The following KCNAB1 variants were observed in gnomAD, a reference collection of about 807,000 sequenced individuals.
KCNAB1 encodes the protein potassium voltage-gated channel subfamily A regulatory beta subunit 1, also known as voltage-gated potassium channel subunit beta-1.
KCNAB1 carries 35 observed loss-of-function variants against 64.6 expected under a neutral mutation model. The observed-to-expected ratio is 0.54, with a 90% CI of 0.41 to 0.72. The LOEUF (loss-of-function observed/expected upper bound fraction) is 0.72, where lower values mean the gene tolerates loss of function less well. Among genes scored for constraint, KCNAB1 ranks in the 30% least tolerant of loss-of-function variants. KCNAB1 has a pLI of 0.00. For synonymous variants in KCNAB1, 177 were observed against 183.8 expected, an observed-to-expected ratio of 0.96 and a Z score of 0.30; for missense variants, 401 against 512.9, an observed-to-expected ratio of 0.78 and a Z score of 2.11.
intron 1 of KCNAB1, among the ~76,000 whole-genome samples, chr3:156,152,667 C>T (rs904697218): frequency 1.3e-5 from 2 of 152,170 alleles, no homozygotes; most frequent in Non-Finnish European, 2.9e-5. Context: ...ATGTGCAGCT[C>T]ATTAAGTATC....
chr3:156,321,939 A>C (rs1722685804), intron 1 of KCNAB1, among the ~76,000 whole-genome samples: 1 of 152,234 alleles, frequency 6.6e-6, no homozygotes, highest in Non-Finnish European at 1.5e-5. Context: ...ATGTGTCAAA[A>C]CTACCCTTGA....
chr3:156,531,092 A>T (rs1718671091), intron 12 of KCNAB1, among the ~76,000 whole-genome samples: 1 of 152,220 alleles, frequency 6.6e-6, no homozygotes, highest in African/African-American at 2.4e-5. Context: ...CGGAGAAGCA[A>T]GAAAGACAGC....
At chr3:156,535,858 A>T (rs1383011939) in intron 13 of KCNAB1, among the ~76,000 whole-genome samples, 1 of 152,122 alleles carries the variant, frequency 6.6e-6, no homozygotes, top group Non-Finnish European at 1.5e-5. Flanking sequence ...CAGGTGTCTG[A>T]TAGGGTTACT....
chr3:156,260,889 A>G (rs1718389515), intron 1 of KCNAB1, among the ~76,000 whole-genome samples: 1 of 152,130 alleles, frequency 6.6e-6, no homozygotes, highest in African/African-American at 2.4e-5. Context: ...CAGTTTCTCC[A>G]CATTTTCACT....
At chr3:156,501,290 T>A (rs2108367208) in intron 8 of KCNAB1, among the ~76,000 whole-genome samples, 1 of 152,166 alleles carries the variant, frequency 6.6e-6, no homozygotes, top group Admixed American at 6.5e-5. Context: ...TAAGTAGGAA[T>A]AAAAAGATTT....
intron 2 of KCNAB1, among the ~76,000 whole-genome samples, chr3:156,428,533 A>ACACACACACACC (rs59772816): frequency 1.1e-3 from 155 of 143,116 alleles, no homozygotes; most frequent in African/African-American, 2.8e-3. Flanking sequence ...ACACACACAC[A>ACACACACACACC]CCCTATTGGT....
At chr3:156,316,458 A>G (rs1263264292) in intron 1 of KCNAB1, among the ~76,000 whole-genome samples, 2 of 152,244 alleles carry the variant, frequency 1.3e-5, no homozygotes, top group African/African-American at 4.8e-5. Context: ...GTGTCCCATA[A>G]CAGGTCAGTC....
intron 1 of KCNAB1, among the ~76,000 whole-genome samples, chr3:156,245,292 AT>A (rs1042191110): frequency 2.6e-5 from 4 of 152,088 alleles, no homozygotes; most frequent in Non-Finnish European, 5.9e-5. Flanking sequence ...ACAGGTTTCT[AT>A]TTTTAAATTA....
At chr3:156,292,045 C>A in intron 1 of KCNAB1, 2 of 1,614,186 alleles carry the variant, frequency 1.2e-6, no homozygotes, top group Non-Finnish European at 1.7e-6. Context: ...TCGCTATCAT[C>A]GCGCGCAGCC....
intron 1 of KCNAB1, among the ~76,000 whole-genome samples, chr3:156,359,752 G>T (rs1475440121): frequency 6.6e-6 from 1 of 152,222 alleles, no homozygotes; most frequent in Non-Finnish European, 1.5e-5. Flanking sequence ...TGCCATTATA[G>T]ATTATACTTT....
intron 3 of KCNAB1, among the ~76,000 whole-genome samples, chr3:156,455,018 G>A (rs2108282664): frequency 6.6e-6 from 1 of 152,266 alleles, no homozygotes; most frequent in Admixed American, 6.5e-5. Context: ...ATGCAGACCA[G>A]GAAAATAGCT....
At chr3:156,500,547 A>C (rs534252038) in intron 8 of KCNAB1, among the ~76,000 whole-genome samples, 1 of 152,338 alleles carries the variant, frequency 6.6e-6, no homozygotes, top group East Asian at 1.9e-4. Context: ...CAATTCTTAA[A>C]GATATTATCT....
At chr3:156,294,709 A>G (rs1008102252) in intron 1 of KCNAB1, among the ~76,000 whole-genome samples, 10 of 152,164 alleles carry the variant, frequency 6.6e-5, no homozygotes, top group African/African-American at 2.4e-4. Context: ...ACTAAAATCG[A>G]AAGTTAGTAG....
At chr3:156,245,636 T>G (rs1249973794) in intron 1 of KCNAB1, among the ~76,000 whole-genome samples, 1 of 152,248 alleles carries the variant, frequency 6.6e-6, no homozygotes, top group Non-Finnish European at 1.5e-5. Context: ...TTAGATGCTA[T>G]ATCCCATGTG....
At chr3:156,478,537 A>G (rs1204380230) in intron 8 of KCNAB1, among the ~76,000 whole-genome samples, 1 of 152,176 alleles carries the variant, frequency 6.6e-6, no homozygotes, top group East Asian at 1.9e-4. Flanking sequence ...GCGGAGTACA[A>G]GAACTTGGGG....
At chr3:156,252,401 T>C (rs535428971) in intron 1 of KCNAB1, among the ~76,000 whole-genome samples, 77 of 152,224 alleles carry the variant, frequency 5.1e-4, no homozygotes, top group Non-Finnish European at 5.3e-4. Context: ...ACTTTTATTC[T>C]TTTATTGTTT....
Position 156,143,378 on chromosome 3 carries a change from C to T in KCNAB1, c.275+22492C>T, listed in dbSNP as rs747629958. ...AAGTTTCTACGTGTTCATGGAATTT[C>T]GTTGCAGGAAACCACCAGAGCAGAG... On this transcript the variant is annotated intron_variant, in intron 1 of 13. Coordinates refer to ENST00000490337, the MANE Select transcript of KCNAB1 (RefSeq NM_172160.3). 10 of 1,605,908 alleles carry T rather than the reference C, an allele frequency of 6.2e-6. 1 individual carries two copies. Among genetic ancestry groups the T allele is most frequent in the East Asian group, 4.5e-5 (2 of 44,806 alleles).
intron 1 of KCNAB1, among the ~76,000 whole-genome samples, chr3:156,186,380 G>A (rs1373267935): frequency 2.6e-5 from 4 of 152,068 alleles, no homozygotes; most frequent in Non-Finnish European, 5.9e-5. Flanking sequence ...CACCTCTGTA[G>A]CATCAGTGGT....
chr3:156,233,542 A>G (rs991683467), intron 1 of KCNAB1, among the ~76,000 whole-genome samples: 1 of 152,160 alleles, frequency 6.6e-6, no homozygotes. Flanking sequence ...GGCCATTCTA[A>G]GGCTTTTGCT....
Sources: gnomAD v4.1 joint callset for allele counts (sites outside exome capture counted in the v4.1 genomes callset) on GRCh38, gnomAD v4.1.1 for gene constraint, MANE v1.5 for transcripts, NCBI Gene and HGNC (gene_info 2026-07-23, HGNC 2026-07-21) for gene names.